The following MLLT10 variants were observed in gnomAD, a reference collection of about 807,000 sequenced individuals.
The protein encoded by MLLT10 is protein AF-10.
A neutral mutation model predicts 129.1 loss-of-function variants in MLLT10; 30 were observed. The observed-to-expected ratio is 0.23, with a 90% confidence interval of 0.17 to 0.32. MLLT10 has a LOEUF of 0.32. Ranked by LOEUF, MLLT10 falls within the 10% of genes least tolerant of loss-of-function variation. The pLI, the probability that MLLT10 is intolerant of heterozygous loss-of-function variation, is 1.00. For synonymous variants in MLLT10, 490 were observed against 446.4 expected (o/e 1.10, Z -1.23); for missense variants, 1,119 against 1,268.3 (o/e 0.88, Z 1.79).
At chr10:21,581,191 G>A (rs1038059373) in intron 3 of MLLT10, among the ~76,000 whole-genome samples, 2 of 151,536 alleles carry the variant, frequency 1.3e-5, no homozygotes, top group Admixed American at 1.3e-4. Context: ...GACTACAGGC[G>A]CCCACTATCA....
intron 17 of MLLT10, among the ~76,000 whole-genome samples, chr10:21,732,085 A>G (rs2058015311): frequency 6.6e-6 from 1 of 152,198 alleles, no homozygotes; most frequent in Non-Finnish European, 1.5e-5. Context: ...GGGGAGGGAT[A>G]AAAGTTAAAT....
At chr10:21,648,404 A>G (rs2048717152) in intron 8 of MLLT10, among the ~76,000 whole-genome samples, 1 of 152,124 alleles carries the variant, frequency 6.6e-6, no homozygotes. Flanking sequence ...ACACATGTAC[A>G]TGTGTATTTT....
chr10:21,542,007 TGGTG>T (rs2035252579), intron 3 of MLLT10, among the ~76,000 whole-genome samples: 2 of 152,302 alleles, frequency 1.3e-5, no homozygotes, highest in South Asian at 2.1e-4. Context: ...TTACGGTTTG[TGGTG>T]AATAGGTCAC....
rs143737501 is a variant in MLLT10 at position 21,625,514 on chromosome 10, T to C, written c.699+8307T>C. The C allele has an allele frequency of 2.7e-5, 25 of 913,146 alleles. No homozygotes were observed. The East Asian group carries it at 6.0e-4, about 22-fold the overall frequency. The allele number at this position is 913,146 out of a possible 1,614,324, so 56.6% of individuals were successfully genotyped here. On this transcript the variant is annotated intron_variant, in intron 8 of 22. Coordinates refer to ENST00000307729, the MANE Select transcript of MLLT10 (RefSeq NM_001195626.3). ...ACTGTAACTACATTTCCCCATACTT[T>C]TACTTTTCCAGCATCTGGCTTGTAC...
At chr10:21,675,576 A>G (rs1191100550) in intron 11 of MLLT10, among the ~76,000 whole-genome samples, 1 of 152,232 alleles carries the variant, frequency 6.6e-6, no homozygotes, top group Admixed American at 6.5e-5. Flanking sequence ...GCTTTTATTT[A>G]TATGTTTCCT....
Position 21,673,440 on chromosome 10 carries a change from A to G in MLLT10, c.1142A>G (p.Asp381Gly). ...GATTTCCTGAGCTTTACAGACTCAG[A>G]TCTGCGTAATGACAGTTACTCTCAC... The part of the protein sequence containing the change: ...PQDFLSFTDS[D>G]LRNDSYSHSQ... Residue 381 changes from aspartate (D) to glycine (G), a missense_variant, in exon 11 of 23, where the codon GAT becomes GGT. Physicochemically the swap from Asp to Gly is moderately conservative, Grantham distance 94 (BLOSUM62 -1). This residue lies in a region of MLLT10 where 1,004 missense variants were observed against 1,008.7 expected (regional missense o/e 1.00). Transcript: ENST00000307729. The G allele has an allele frequency of 6.2e-7, 1 of 1,613,144 alleles. No homozygotes were observed.
chr10:21,674,820 G>C (rs549721644), intron 11 of MLLT10, among the ~76,000 whole-genome samples: 228 of 152,258 alleles, frequency 1.5e-3, no homozygotes, highest in Middle Eastern at 3.4e-3. Flanking sequence ...ATTATGGATT[G>C]TATTTGTTCT....
intron 3 of MLLT10, among the ~76,000 whole-genome samples, chr10:21,562,809 G>GT (rs1160606066): frequency 0.065 from 4,980 of 76,370 alleles, 1,163 homozygotes; most frequent in African/African-American, 0.11. Context: ...CATATACTTT[G>GT]TTTTTTTTGT....
chr10:21,673,318 C>CCCTCT (rs1564622986), intron 10 of MLLT10, 32 bp from the exon 11 acceptor site: 2 of 295,856 alleles, frequency 6.8e-6, no homozygotes, highest in African/African-American at 3.7e-5. Context: ...CACCCCCCAA[C>CCCTCT]TTTTTTTTTT....
chr10:21,695,061 CTTT>C (rs71393922), intron 13 of MLLT10, among the ~76,000 whole-genome samples: 20 of 104,020 alleles, frequency 1.9e-4, no homozygotes, highest in Admixed American at 3.4e-4. Flanking sequence ...TTTCTACCTT[CTTT>C]TTTTTTTTTT....
chr10:21,712,053 AT>A (rs1224679437), intron 13 of MLLT10, among the ~76,000 whole-genome samples: 1 of 152,208 alleles, frequency 6.6e-6, no homozygotes, highest in African/African-American at 2.4e-5. Context: ...TTGGCTAAAT[AT>A]ATCATTTTTC....
At chr10:21,681,220 C>T in intron 11 of MLLT10, 112 bp from the exon 12 acceptor site, 2 of 1,400,484 alleles carry the variant, frequency 1.4e-6, no homozygotes, top group South Asian at 1.2e-5. Flanking sequence ...AGGTGGCCTA[C>T]TTAACTACAC....
chr10:21,633,536 A>G (rs2047191353), intron 8 of MLLT10, among the ~76,000 whole-genome samples: 1 of 152,126 alleles, frequency 6.6e-6, no homozygotes, highest in Admixed American at 6.6e-5. Context: ...TACAAAAAAT[A>G]TAAAAATAAG....
chr10:21,561,228 T>A (rs1199100161), intron 3 of MLLT10, among the ~76,000 whole-genome samples: 1 of 152,116 alleles, frequency 6.6e-6, no homozygotes, highest in Non-Finnish European at 1.5e-5. Context: ...GTTTCTATAG[T>A]TGTTGCTCTT....
At chr10:21,649,322 C>T (rs924141786) in intron 8 of MLLT10, among the ~76,000 whole-genome samples, 5 of 152,174 alleles carry the variant, frequency 3.3e-5, no homozygotes, top group Non-Finnish European at 7.3e-5. Flanking sequence ...AGTGATCCTC[C>T]TGCCTTGGCT....
chr10:21,587,910 C>T (rs2042144750), intron 4 of MLLT10, among the ~76,000 whole-genome samples: 1 of 152,096 alleles, frequency 6.6e-6, no homozygotes, highest in South Asian at 2.1e-4. Context: ...TACTTTCTTG[C>T]ATATCTTTCT....
At chr10:21,607,443 C>T (rs926262760) in intron 5 of MLLT10, among the ~76,000 whole-genome samples, 27 of 151,456 alleles carry the variant, frequency 1.8e-4, no homozygotes, top group Non-Finnish European at 3.7e-4. Flanking sequence ...ACTTCAGCCT[C>T]CTGAGTAGCT....
intron 5 of MLLT10, among the ~76,000 whole-genome samples, chr10:21,604,856 C>G (rs1319454887): frequency 6.6e-6 from 1 of 151,396 alleles, no homozygotes; most frequent in Non-Finnish European, 1.5e-5. Context: ...GATTGGCAGC[C>G]TGCCCATTTT....
At chr10:21,556,164 C>T (rs1175283502) in intron 3 of MLLT10, among the ~76,000 whole-genome samples, 1 of 151,904 alleles carries the variant, frequency 6.6e-6, no homozygotes, top group African/African-American at 2.4e-5. Flanking sequence ...TTAGTAGAGA[C>T]GGGGTTTCGC....
Sources: allele counts gnomAD v4.1 joint callset (sites outside exome capture counted in the v4.1 genomes callset), GRCh38; gene constraint gnomAD v4.1.1; regional missense constraint gnomAD v4.1.1; transcripts MANE v1.5; gene names NCBI Gene and HGNC (gene_info 2026-07-23, HGNC 2026-07-21).